Variants in STARD13 observed in about 807,000 individuals in gnomAD.
STARD13 encodes stAR-related lipid transfer protein 13.
STARD13 carries 62 observed loss-of-function variants against 106.4 expected under a neutral mutation model. The observed-to-expected ratio is 0.58, with a 90% CI of 0.48 to 0.72. The LOEUF is 0.72. Ranked by LOEUF, STARD13 falls within the 30% of genes least tolerant of loss-of-function variation. The probability of loss-of-function intolerance (pLI) is 0.00; values close to 1 mark genes in which losing one functional copy is unlikely to be tolerated. For synonymous variants in STARD13, 565 were observed against 553.0 expected (o/e 1.02, Z -0.31); for missense variants, 1,387 against 1,424.0 (o/e 0.97, Z 0.42).
chr13:33,480,954 G>C, the STARD13 span, among the ~76,000 whole-genome samples: 1 of 152,130 alleles, frequency 6.6e-6, no homozygotes, highest in Non-Finnish European at 1.5e-5. Context: ...CCAACTTCAA[G>C]AGGCTCTCAT....
At chr13:33,490,406 A>G in the STARD13 span, among the ~76,000 whole-genome samples, 1 of 152,088 alleles carries the variant, frequency 6.6e-6, no homozygotes, top group Admixed American at 6.6e-5. Flanking sequence ...TCCTGCACCC[A>G]CATAAACCCC....
At chr13:33,267,767 G>T (rs1890968773) in intron 1 of STARD13, among the ~76,000 whole-genome samples, 1 of 152,164 alleles carries the variant, frequency 6.6e-6, no homozygotes, top group Non-Finnish European at 1.5e-5. Context: ...GACTTAAAAG[G>T]CTGTCTTTGA....
the STARD13 span, among the ~76,000 whole-genome samples, chr13:33,667,056 C>T: frequency 6.6e-6 from 1 of 152,196 alleles, no homozygotes; most frequent in African/African-American, 2.4e-5. Flanking sequence ...TGAATAGATG[C>T]TTCCATTATA....
chr13:33,622,547 G>A, the STARD13 span, among the ~76,000 whole-genome samples: 6 of 140,570 alleles, frequency 4.3e-5, no homozygotes, highest in Admixed American at 3.2e-4. Context: ...GCAGACGCAG[G>A]AGAATGGCGT....
At chr13:33,176,747 A>T (rs774786802) in intron 1 of STARD13, among the ~76,000 whole-genome samples, 5 of 152,222 alleles carry the variant, frequency 3.3e-5, no homozygotes, top group African/African-American at 1.2e-4. Context: ...TGATGCATCA[A>T]TGACTTGTAT....
At chr13:33,212,004 A>G (rs975619547) in intron 1 of STARD13, among the ~76,000 whole-genome samples, 1 of 152,224 alleles carries the variant, frequency 6.6e-6, no homozygotes, top group African/African-American at 2.4e-5. Flanking sequence ...TACTCTGTTC[A>G]TTGGACAATA....
rs897563136 is a variant in STARD13 at position 33,161,851 on chromosome 13, T to C, written c.323+3486A>G. Among the ~76,000 whole-genome samples, 14 of 152,208 alleles carry C rather than the reference T, an allele frequency of 9.2e-5. 1 individual carries two copies. Among genetic ancestry groups the C allele is most frequent in the African/African-American group, 2.6e-4 (11 of 41,536 alleles). On this transcript the variant is annotated intron_variant, in intron 3 of 13. Transcript: ENST00000336934. Reference sequence around the variant, plus strand: ...ATCATGGTGGGAGGATAAAGGCCCTTCTTACATGGTGGTGACAAGAGAAAA... The same window carrying C: ...ATCATGGTGGGAGGATAAAGGCCCTCCTTACATGGTGGTGACAAGAGAAAA...
chr13:33,622,901 A>G, the STARD13 span, among the ~76,000 whole-genome samples: 1 of 149,092 alleles, frequency 6.7e-6, no homozygotes, highest in African/African-American at 2.5e-5. Context: ...GCCTGGCGAC[A>G]GAGCAAAACT....
the STARD13 span, among the ~76,000 whole-genome samples, chr13:33,359,169 A>G: frequency 6.6e-6 from 1 of 151,904 alleles, no homozygotes; most frequent in African/African-American, 2.4e-5. Context: ...TTTGCAATAA[A>G]TTTTGCTACT....
chr13:33,669,861 C>T, the STARD13 span, among the ~76,000 whole-genome samples: 1 of 152,120 alleles, frequency 6.6e-6, no homozygotes, highest in Non-Finnish European at 1.5e-5. Context: ...TTATCCTACT[C>T]TTGTATGTCC....
At chr13:33,619,147 A>T in the STARD13 span, among the ~76,000 whole-genome samples, 3 of 152,192 alleles carry the variant, frequency 2.0e-5, no homozygotes, top group African/African-American at 4.8e-5. Flanking sequence ...AAAGCACCAC[A>T]ACCTATAAGC....
chr13:33,622,614 C>CAAAAAAAAAA, the STARD13 span, among the ~76,000 whole-genome samples: 1 of 28,186 alleles, frequency 3.5e-5, no homozygotes, highest in Non-Finnish European at 7.1e-5. Flanking sequence ...GACTCCGTCT[C>CAAAAAAAAAA]AAAAAAAAAA....
intron 1 of STARD13, among the ~76,000 whole-genome samples, chr13:33,301,653 A>G (rs1158372021): frequency 6.9e-6 from 1 of 144,626 alleles, no homozygotes; most frequent in East Asian, 2.1e-4. Context: ...CTGCAAGCTC[A>G]GCCTCCCAGG....
intron 1 of STARD13, among the ~76,000 whole-genome samples, chr13:33,239,163 T>A (rs1440786034): frequency 6.6e-6 from 1 of 152,204 alleles, no homozygotes; most frequent in Non-Finnish European, 1.5e-5. Context: ...TCACTTAGCA[T>A]AATGACCTCA....
the STARD13 span, among the ~76,000 whole-genome samples, chr13:33,641,272 G>A: frequency 6.6e-6 from 1 of 152,006 alleles, no homozygotes. Context: ...ACAGAGACAG[G>A]GTCTCACCAT....
chr13:33,278,076 A>G (rs1442517288), intron 1 of STARD13, among the ~76,000 whole-genome samples: 4 of 152,208 alleles, frequency 2.6e-5, no homozygotes, highest in African/African-American at 9.6e-5. Flanking sequence ...CTCCTAGATC[A>G]GCATTTCCAA....
intron 1 of STARD13, chr13:33,280,226 A>G (rs1891703932): frequency 6.6e-6 from 1 of 152,180 alleles, no homozygotes; most frequent in Non-Finnish European, 1.5e-5. Flanking sequence ...GGTTGGGCAA[A>G]TTCCCAAGAT....
chr13:33,432,127 GTAGTGCC>G, the STARD13 span, among the ~76,000 whole-genome samples: 1 of 152,138 alleles, frequency 6.6e-6, no homozygotes, highest in East Asian at 1.9e-4. Context: ...AGGAGGAGAG[GTAGTGCC>G]TAGTTTGCAG....
At chr13:33,356,711 C>G in the STARD13 span, among the ~76,000 whole-genome samples, 2 of 152,118 alleles carry the variant, frequency 1.3e-5, no homozygotes, top group African/African-American at 4.8e-5. Flanking sequence ...ATTTTAATTG[C>G]TATTGTTGTT....
Sources: gnomAD v4.1 joint callset for allele counts (sites outside exome capture counted in the v4.1 genomes callset) on GRCh38, gnomAD v4.1.1 for gene constraint, MANE v1.5 for transcripts, NCBI Gene and HGNC (gene_info 2026-07-23, HGNC 2026-07-21) for gene names.